The following PIK3R5 variants were observed in gnomAD, a reference collection of about 807,000 sequenced individuals.
PIK3R5 encodes the protein phosphoinositide 3-kinase regulatory subunit 5.
PIK3R5 carries 32 observed loss-of-function variants against 94.9 expected under a neutral mutation model. That is an observed-to-expected ratio of 0.34 (90% CI 0.25 to 0.45). The LOEUF is 0.45. Ranked by LOEUF, PIK3R5 falls within the 20% of genes least tolerant of loss-of-function variation. PIK3R5 has a pLI of 1.00. For missense variants in PIK3R5, 853 were observed against 1,144.6 expected, an observed-to-expected ratio of 0.75 and a Z score of 3.68; for synonymous variants, 443 against 479.4, an observed-to-expected ratio of 0.92 and a Z score of 0.99.
intron 1 of PIK3R5, among the ~76,000 whole-genome samples, chr17:8,959,068 C>T (rs558455701): frequency 6.6e-6 from 1 of 152,106 alleles, no homozygotes; most frequent in Non-Finnish European, 1.5e-5. Flanking sequence ...TTCTCTTTCA[C>T]TCTTTAATCA....
rs555458632 is a variant in PIK3R5, at chr17:8,889,448, G to A, written c.812-226C>T. Among the ~76,000 whole-genome samples, 9 of 152,282 alleles carry A rather than the reference G, an allele frequency of 5.9e-5. No homozygotes were observed. The highest frequency in any genetic ancestry group is 1.9e-4 in the East Asian group (1 of 5,186). The stretch of plus-strand genomic sequence containing the variant: ...ATGGCATGCCCTTTATGAGCTGTGC[G>A]AATGTGGCCAAACCACAACCTCTGA... On this transcript the variant is annotated intron_variant, in intron 8 of 18. Coordinates refer to ENST00000447110, the MANE Select transcript of PIK3R5 (RefSeq NM_001142633.3). This position sits in a 1 kb window ranked among gnomAD's most constrained non-coding sequence, Gnocchi z 4.1.
chr17:8,916,478 C>G (rs1411043763), intron 1 of PIK3R5: 1 of 145,638 alleles, frequency 6.9e-6, no homozygotes, highest in Admixed American at 6.8e-5. Context: ...GGAATGCCGC[C>G]CCCCGCCCCC....
Position 8,892,165 on chromosome 17 carries a change from G to A in PIK3R5, c.483-1253C>T, listed in dbSNP as rs1056548020. Among the ~76,000 whole-genome samples the A allele has an allele frequency of 1.3e-5, 2 of 152,110 alleles. No individual in the cohort carries two copies. The highest frequency in any genetic ancestry group is 1.5e-5 in the Non-Finnish European group (1 of 68,024). ...CCCAGTGCAAAGGAGCACCACGCAGGGCAGCATTCCCTCCACACTCTGGGG... is the reference window on the plus strand; with the variant it reads ...CCCAGTGCAAAGGAGCACCACGCAGAGCAGCATTCCCTCCACACTCTGGGG... On this transcript the variant is annotated intron_variant, in intron 6 of 18. Transcript: ENST00000447110. This position sits in a 1 kb window ranked among gnomAD's most constrained non-coding sequence, Gnocchi z 4.3.
intron 1 of PIK3R5, among the ~76,000 whole-genome samples, chr17:8,943,837 T>C (rs1245475338): frequency 1.3e-5 from 2 of 150,806 alleles, no homozygotes; most frequent in African/African-American, 4.9e-5. Context: ...CCTGGCAAAT[T>C]GACAATAATT....
intron 1 of PIK3R5, chr17:8,916,285 C>G (rs1265100233): frequency 6.6e-6 from 1 of 152,300 alleles, no homozygotes; most frequent in Non-Finnish European, 1.5e-5. Flanking sequence ...TATGACTTGT[C>G]AGCAGAACCT....
rs2089989935 is a variant in PIK3R5, at chr17:8,890,248, TCTC to T, written c.658-125_658-123del. On this transcript the variant is annotated intron_variant, in intron 7 of 18. Coordinates refer to ENST00000447110, the MANE Select transcript of PIK3R5 (RefSeq NM_001142633.3). This position sits in a 1 kb window ranked among gnomAD's most constrained non-coding sequence, Gnocchi z 6.1. The stretch of plus-strand genomic sequence containing the variant: ...TGTCCCCTCCCAGCCTCATCACCCA[TCTC>T]CTACCCACAGCTGGCCAGGCAGCCA... The T allele has an allele frequency of 3.0e-6, 3 of 1,000,788 alleles. No individual in the cohort carries two copies. Among genetic ancestry groups the T allele is most frequent in the South Asian group, 3.0e-5 (2 of 66,236 alleles). 62.0% of individuals were successfully genotyped at this position (1,000,788 alleles called of 1,614,324 possible).
chr17:8,936,457 A>T lies in PIK3R5; in HGVS notation c.-13-24950T>A, dbSNP rs543193897. Among the ~76,000 whole-genome samples, 10 of 152,270 alleles carry T rather than the reference A, an allele frequency of 6.6e-5. No homozygotes were observed. The South Asian group carries it at 1.4e-3, about 22-fold the overall frequency. On this transcript the variant is annotated intron_variant, in intron 1 of 18. Coordinates refer to ENST00000447110, the MANE Select transcript of PIK3R5 (RefSeq NM_001142633.3). ...CATCTGGTAGCCATTCTTCTTTTTT[A>T]CTGCTTCCATAGATTGGCCTTTTCC...
intron 1 of PIK3R5, among the ~76,000 whole-genome samples, chr17:8,934,981 A>T (rs186752817): frequency 1.3e-4 from 20 of 152,218 alleles, no homozygotes; most frequent in Non-Finnish European, 2.5e-4. Context: ...TTCTTCCTGC[A>T]TGTGCTGCCT....
chr17:8,950,336 T>C (rs1240302832), intron 1 of PIK3R5, among the ~76,000 whole-genome samples: 1 of 152,218 alleles, frequency 6.6e-6, no homozygotes, highest in African/African-American at 2.4e-5. Flanking sequence ...TGTAAGTATT[T>C]TTTTAATTCC....
At chr17:8,960,299 C>T (rs1027206909) in intron 1 of PIK3R5, among the ~76,000 whole-genome samples, 2 of 152,218 alleles carry the variant, frequency 1.3e-5, no homozygotes, top group South Asian at 4.1e-4. Flanking sequence ...TCTTTCAAGT[C>T]TCAACTCAAA....
chr17:8,905,884 A>T, intron 3 of PIK3R5, 147 bp from the exon 4 acceptor site: 3 of 449,370 alleles, frequency 6.7e-6, no homozygotes, highest in Non-Finnish European at 1.2e-5. Context: ...AAACATTTGG[A>T]AAATGGATGT....
Position 8,893,216 on chromosome 17 carries a change from G to A in PIK3R5, c.482+370C>T, listed in dbSNP as rs1307921629. The stretch of plus-strand genomic sequence containing the variant: ...CATGGGCTTCTGAATAAGCCTGAGG[G>A]TTAAATTCTGGCTCGTACCCTTGCT... On this transcript the variant is annotated intron_variant, in intron 6 of 18. Coordinates refer to ENST00000447110, the MANE Select transcript of PIK3R5 (RefSeq NM_001142633.3). The surrounding 1 kb of genome is among the most constrained non-coding windows in gnomAD (Gnocchi z 5.1). 6.6e-6 allele frequency among the ~76,000 whole-genome samples: 1 copy of A among 152,146 alleles called. No homozygotes were observed. Among genetic ancestry groups the A allele is most frequent in the Admixed American group, 6.5e-5 (1 of 15,276 alleles).
In PIK3R5 at chr17:8,945,972, C is replaced by A. The variant is rs1725726153; in HGVS notation, c.-14+19624G>T. On this transcript the variant is annotated intron_variant, in intron 1 of 18. Transcript: ENST00000447110. The surrounding 1 kb of genome is among the most constrained non-coding windows in gnomAD (Gnocchi z 4.0). ...AGGAAGCCCAAACCACATGGAGAGG[C>A]CCCTTGTAGGCATTCTCATTTACAG... Among the ~76,000 whole-genome samples, 1 of 152,174 alleles carries A rather than the reference C, an allele frequency of 6.6e-6. No individual in the cohort carries two copies. Among genetic ancestry groups the A allele is most frequent in the South Asian group, 2.1e-4 (1 of 4,828 alleles).
At position 8,884,198 on chromosome 17, in the gene PIK3R5, G is replaced by C. The variant is rs1415014406; in HGVS notation, c.2205+509C>G. On this transcript the variant is annotated intron_variant, in intron 15 of 18. Transcript: ENST00000447110. The surrounding 1 kb of genome is among the most constrained non-coding windows in gnomAD (Gnocchi z 5.8). ...TGGCCGAAGGAAGAAGCCCACCTGT[G>C]AGGCCAAGCTTCCCTCAGCCTGGAC... Among the ~76,000 whole-genome samples the C allele has an allele frequency of 2.0e-5, 3 of 152,112 alleles. No individual in the cohort carries two copies. The highest frequency in any genetic ancestry group is 4.4e-5 in the Non-Finnish European group (3 of 67,996).
chr17:8,934,333 A>G (rs1420082162), intron 1 of PIK3R5, among the ~76,000 whole-genome samples: 1 of 152,254 alleles, frequency 6.6e-6, no homozygotes, highest in Non-Finnish European at 1.5e-5. Flanking sequence ...AATAGCATCA[A>G]AAAGCCAAAA....
intron 1 of PIK3R5, among the ~76,000 whole-genome samples, chr17:8,912,269 A>T (rs1020402517): frequency 6.6e-6 from 1 of 152,148 alleles, no homozygotes; most frequent in Non-Finnish European, 1.5e-5. Context: ...TTAGTTATGT[A>T]TGAGGGCTCC....
chr17:8,904,445 G>C lies in PIK3R5; in HGVS notation c.412+332C>G, dbSNP rs61759588. ...TTGTCAGCATCCTGGGGGCTTCTCT[G>C]TCTGATCTGGGTAGCCTTGGAGACC... On this transcript the variant is annotated intron_variant, in intron 5 of 18. Coordinates refer to ENST00000447110, the MANE Select transcript of PIK3R5 (RefSeq NM_001142633.3). This position sits in a 1 kb window ranked among gnomAD's most constrained non-coding sequence, Gnocchi z 5.1. Among the ~76,000 whole-genome samples the C allele has an allele frequency of 6.6e-6, 1 of 152,304 alleles. No homozygotes were observed. Among genetic ancestry groups the C allele is most frequent in the Non-Finnish European group, 1.5e-5 (1 of 68,030 alleles).
At chr17:8,957,318 T>C (rs1488513390) in intron 1 of PIK3R5, among the ~76,000 whole-genome samples, 1 of 152,200 alleles carries the variant, frequency 6.6e-6, no homozygotes, top group African/African-American at 2.4e-5. Flanking sequence ...CTCTGAGATC[T>C]TCCTTCTAGT....
rs1170066358 is a variant in PIK3R5, at chr17:8,904,167, A to G, written c.412+610T>C. Among the ~76,000 whole-genome samples, 1 of 152,198 alleles carries G rather than the reference A, an allele frequency of 6.6e-6. No homozygotes were observed. The highest frequency in any genetic ancestry group is 2.4e-5 in the African/African-American group (1 of 41,440). ...GCTGAGCCGCTTCTCAGTAAATCACACTTGCTAAGTTTTCTCCTGCACTAC... is the reference window on the plus strand; with the variant it reads ...GCTGAGCCGCTTCTCAGTAAATCACGCTTGCTAAGTTTTCTCCTGCACTAC... On this transcript the variant is annotated intron_variant, in intron 5 of 18. Transcript: ENST00000447110. This position sits in a 1 kb window ranked among gnomAD's most constrained non-coding sequence, Gnocchi z 5.1.
Sources: gnomAD v4.1 joint callset for allele counts (sites outside exome capture counted in the v4.1 genomes callset) on GRCh38, gnomAD v4.1.1 for gene constraint, Gnocchi (gnomAD v3.1) non-coding constraint, MANE v1.5 for transcripts, NCBI Gene and HGNC (gene_info 2026-07-23, HGNC 2026-07-21) for gene names.